MTA3: variants seen among roughly 807,000 people sequenced by gnomAD.
The protein encoded by MTA3 is metastasis-associated protein MTA3.
A neutral mutation model predicts 83.5 loss-of-function variants in MTA3; 34 were observed. That is an observed-to-expected ratio of 0.41 (90% CI 0.31 to 0.54). The LOEUF (loss-of-function observed/expected upper bound fraction) is 0.54. Among genes scored for constraint, MTA3 ranks in the 20% least tolerant of loss-of-function variants. MTA3 has a pLI of 0.33. For synonymous variants in MTA3, 303 were observed against 252.7 expected (o/e 1.20, Z -1.89); for missense variants, 761 against 726.4 (o/e 1.05, Z -0.55).
At chr2:42,580,514 G>C (rs1031284595) in intron 3 of MTA3, among the ~76,000 whole-genome samples, 3 of 152,006 alleles carry the variant, frequency 2.0e-5, no homozygotes, top group Non-Finnish European at 4.4e-5. Flanking sequence ...TGGGATTACA[G>C]GTGGGTGCCA....
intron 3 of MTA3, among the ~76,000 whole-genome samples, chr2:42,586,227 CTG>C (rs796642779): frequency 5.8e-4 from 87 of 150,016 alleles, no homozygotes; most frequent in African/African-American, 2.1e-3. Context: ...TGAGCTGAGA[CTG>C]TACCATTGCA....
chr2:42,528,579 CT>C (rs1675822489), intron 2 of MTA3, among the ~76,000 whole-genome samples: 1 of 152,154 alleles, frequency 6.6e-6, no homozygotes, highest in Non-Finnish European at 1.5e-5. Flanking sequence ...TTACTTGTTT[CT>C]TTTGTAAAGG....
chr2:42,739,668 C>G (rs1331744616), intron 16 of MTA3, among the ~76,000 whole-genome samples: 1 of 152,172 alleles, frequency 6.6e-6, no homozygotes, highest in African/African-American at 2.4e-5. Context: ...GTGTGATGCT[C>G]TTTGATAGTA....
intron 11 of MTA3, among the ~76,000 whole-genome samples, chr2:42,699,803 T>C (rs1056333537): frequency 7.9e-5 from 12 of 152,172 alleles, no homozygotes; most frequent in African/African-American, 2.9e-4. Context: ...TGTATTGGTC[T>C]TAAACTCAGT....
rs1332132116 is a variant in MTA3, at chr2:42,755,852, G to C, written c.*2453G>C. On this transcript the variant is annotated 3_prime_UTR_variant, in exon 17 of 17. Transcript: ENST00000405094. ...GACATGCCCCTGGGGTGAGGACACA[G>C]GCTCTGCAGGCTATCTCCCCCTCTG... 4 of 985,456 alleles carry C rather than the reference G, an allele frequency of 4.1e-6. No homozygotes were observed. Among genetic ancestry groups the C allele is most frequent in the Non-Finnish European group, 4.8e-6 (4 of 830,050 alleles). 61.0% of individuals were successfully genotyped at this position (985,456 alleles called of 1,614,324 possible). A position where few individuals can be genotyped will look rare whatever the true frequency, so the allele number is the denominator to read the frequency against.
At position 42,636,057 on chromosome 2, in the gene MTA3, C is replaced by T. The variant is rs544982059; in HGVS notation, c.318-4116C>T. Among the ~76,000 whole-genome samples, 10 of 152,282 alleles carry T rather than the reference C, an allele frequency of 6.6e-5. No individual in the cohort carries two copies. The East Asian group carries it at 1.7e-3, about 27-fold the overall frequency. ...ATGCTAGGATTACAGGCGTGAGCCACGGCGCCGGGCCAGGAATGGTTTTTT... is the reference window on the plus strand; with the variant it reads ...ATGCTAGGATTACAGGCGTGAGCCATGGCGCCGGGCCAGGAATGGTTTTTT... On this transcript the variant is annotated intron_variant, in intron 4 of 16. Transcript: ENST00000405094.
rs1386748252 is a variant in MTA3, at chr2:42,622,010, G to A, written c.317+12426G>A. Among the ~76,000 whole-genome samples the A allele has an allele frequency of 4.6e-5, 7 of 152,264 alleles. No homozygotes were observed. In the South Asian group the frequency reaches 6.2e-4, roughly 14 times the overall value. ...TCACTTCCCAGACGGGGTGGCGGCCGGGCAGAGGCTGCAGTCTCGGCACTT... is the reference window on the plus strand; with the variant it reads ...TCACTTCCCAGACGGGGTGGCGGCCAGGCAGAGGCTGCAGTCTCGGCACTT... On this transcript the variant is annotated intron_variant, in intron 4 of 16. Coordinates refer to ENST00000405094, the MANE Select transcript of MTA3 (RefSeq NM_001330442.2).
At chr2:42,581,648 G>C (rs1679660056) in intron 3 of MTA3, 1 of 164,436 alleles carries the variant, frequency 6.1e-6, no homozygotes, top group African/African-American at 2.4e-5. Flanking sequence ...CTCCCAAAAT[G>C]TTGGGATTAC....
At chr2:42,638,537 T>C (rs1236056775) in intron 4 of MTA3, among the ~76,000 whole-genome samples, 3 of 151,720 alleles carry the variant, frequency 2.0e-5, no homozygotes, top group Non-Finnish European at 4.4e-5. Flanking sequence ...GCTTATTTTA[T>C]TTTTTTTAAT....
At chr2:42,638,349 C>T (rs953112196) in intron 4 of MTA3, among the ~76,000 whole-genome samples, 5 of 151,868 alleles carry the variant, frequency 3.3e-5, no homozygotes, top group African/African-American at 9.7e-5. Context: ...TCCCTAGTTG[C>T]AATTCTGTCC....
At chr2:42,640,327 A>T in intron 5 of MTA3, 91 bp downstream of exon 5, 2 of 891,372 alleles carry the variant, frequency 2.2e-6, no homozygotes, top group Non-Finnish European at 3.4e-6. Context: ...GTACAAAAGT[A>T]TTATTCCACC....
upstream of MTA3, among the ~76,000 whole-genome samples, chr2:42,566,018 T>A (rs555717069): frequency 1.1e-4 from 17 of 151,774 alleles, no homozygotes; most frequent in African/African-American, 1.7e-4. Flanking sequence ...TCAAAAAAAA[T>A]TTTTTTTTCT....
At chr2:42,712,746 A>T (rs937564892) in intron 14 of MTA3, 1 of 152,320 alleles carries the variant, frequency 6.6e-6, no homozygotes, top group South Asian at 2.1e-4. Flanking sequence ...CATCGTGCTC[A>T]CTTCAGCAGC....
At chr2:42,752,410 T>C in intron 16 of MTA3, 1 of 374,134 alleles carries the variant, frequency 2.7e-6, no homozygotes, top group South Asian at 2.0e-5. Context: ...ACTTCCCTCC[T>C]AGCCACTTTC....
rs533359944 is a variant in MTA3, at chr2:42,671,804, G to C, written c.703-10597G>C. Reference sequence around the variant, plus strand: ...TTTCCATGTCTTGAGATTTCTGTTAGGGCCTGGAATAGGATCCTCCCCAGT... The same window carrying C: ...TTTCCATGTCTTGAGATTTCTGTTACGGCCTGGAATAGGATCCTCCCCAGT... On this transcript the variant is annotated intron_variant, in intron 8 of 16. Transcript: ENST00000405094. 2.0e-5 allele frequency among the ~76,000 whole-genome samples: 3 copies of C among 152,244 alleles called. No individual in the cohort carries two copies. In the South Asian group the frequency reaches 6.2e-4, roughly 32 times the overall value.
At chr2:42,497,231 C>T (rs1022956319) in intron 2 of MTA3, among the ~76,000 whole-genome samples, 1 of 151,134 alleles carries the variant, frequency 6.6e-6, no homozygotes, top group Admixed American at 6.6e-5. Context: ...CAAAAAAAAA[C>T]AAAACAAACA....
At chr2:42,585,656 T>C (rs1023120196) in intron 3 of MTA3, among the ~76,000 whole-genome samples, 2 of 151,706 alleles carry the variant, frequency 1.3e-5, no homozygotes, top group African/African-American at 2.4e-5. Flanking sequence ...TGTATTTTTA[T>C]AGAGACCGGG....
chr2:42,649,009 C>T (rs1032586434), intron 6 of MTA3, among the ~76,000 whole-genome samples: 1 of 152,088 alleles, frequency 6.6e-6, no homozygotes, highest in African/African-American at 2.4e-5. Flanking sequence ...TATATCGTTG[C>T]GATGAGCAAA....
chr2:42,526,353 C>T (rs1475760585), intron 2 of MTA3, among the ~76,000 whole-genome samples: 1 of 152,190 alleles, frequency 6.6e-6, no homozygotes, highest in African/African-American at 2.4e-5. Flanking sequence ...GCGCATGCCA[C>T]CGAGGCCGAT....
Sources: allele counts gnomAD v4.1 joint callset (sites outside exome capture counted in the v4.1 genomes callset), GRCh38; gene constraint gnomAD v4.1.1; transcripts MANE v1.5; gene names NCBI Gene and HGNC (gene_info 2026-07-23, HGNC 2026-07-21).